The following SQOR variants were observed in gnomAD, a reference collection of about 807,000 sequenced individuals.
SQOR encodes the protein sulfide quinone oxidoreductase, also known as sulfide:quinone oxidoreductase, mitochondrial.
A neutral mutation model predicts 48.6 loss-of-function variants in SQOR; 39 were observed. The ratio of observed to expected loss-of-function variants is 0.80; its 90% CI spans 0.62 to 1.05. The LOEUF is 1.05. SQOR is among the 50% of genes least tolerant of loss of function. SQOR has a pLI of 0.00. For missense variants in SQOR, 561 were observed against 559.9 expected (o/e 1.00, Z -0.02); for synonymous variants, 220 against 206.2 (o/e 1.07, Z -0.57).
chr15:45,682,556 T>C lies in SQOR; in HGVS notation c.943T>C (p.Trp315Arg). 1.2e-6 allele frequency: 2 copies of C among 1,614,146 alleles called. No individual in the cohort carries two copies. The highest frequency in any genetic ancestry group is 2.2e-5 in the East Asian group (1 of 44,878). Residue 315 changes from tryptophan (W) to arginine (R), a missense_variant, in exon 7 of 10, where the codon TGG (tryptophan) becomes CGG (arginine). Physicochemically the swap from Trp to Arg is moderately radical, Grantham distance 101. Coordinates refer to ENST00000260324, the MANE Select transcript of SQOR (RefSeq NM_021199.4). ...KTSPVADAAG[W>R]VDVDKETLQH... ...CAGTCCTGTGGCTGATGCTGCTGGT[T>C]GGGTGGATGTGGATAAAGAAACTCT...
Position 45,669,925 on chromosome 15 carries a change from C to T in SQOR, c.406-3C>T, listed in dbSNP as rs1479706854. On this transcript the variant is annotated splice_region_variant and splice_polypyrimidine_tract_variant and intron_variant, in intron 3 of 9. Coordinates refer to ENST00000260324, the MANE Select transcript of SQOR (RefSeq NM_021199.4). The stretch of plus-strand genomic sequence containing the variant: ...TCTAAAATAATGTCTTTTTGTGTTG[C>T]AGATCTCCTACCGATATCTTATTAT... The T allele has an allele frequency of 1.9e-6, 3 of 1,613,628 alleles. No individual in the cohort carries two copies. The highest frequency in any genetic ancestry group is 2.2e-5 in the South Asian group (2 of 91,064).
intron 7 of SQOR, among the ~76,000 whole-genome samples, chr15:45,687,754 TGTC>T (rs1890248884): frequency 6.6e-6 from 1 of 152,246 alleles, no homozygotes; most frequent in Non-Finnish European, 1.5e-5. Flanking sequence ...TCTGTCTGTC[TGTC>T]TGTCTATCTA....
At chr15:45,646,051 A>G (rs1026053592) in intron 1 of SQOR, 1 of 152,126 alleles carries the variant, frequency 6.6e-6, no homozygotes, top group Non-Finnish European at 1.5e-5. Flanking sequence ...TACATATTGG[A>G]TATTGTATCT....
intron 7 of SQOR, among the ~76,000 whole-genome samples, chr15:45,683,026 C>CAAAAAAAAAAAAAAAAAAAAAAAAAAAA (rs34072446): frequency 2.6e-4 from 31 of 119,854 alleles, no homozygotes; most frequent in African/African-American, 1.0e-3. Context: ...GGCTTCATCT[C>CAAAAAAAAAAAAAAAAAAAAAAAAAAAA]AAAAAAAAAA....
chr15:45,637,085 G>A (rs1895019469), intron 1 of SQOR, among the ~76,000 whole-genome samples: 2 of 151,860 alleles, frequency 1.3e-5, no homozygotes, highest in Non-Finnish European at 2.9e-5. Context: ...AGGTTCGAGT[G>A]ATTCGCCTGC....
At position 45,648,473 on chromosome 15, in the gene SQOR, G is replaced by A. The variant is rs540954410; in HGVS notation, c.-17-10434G>A. Among the ~76,000 whole-genome samples the A allele has an allele frequency of 5.9e-5, 9 of 152,336 alleles. No individual in the cohort carries two copies. The South Asian group carries it at 1.7e-3, about 28-fold the overall frequency. ...TTACAGGCGTGAGCCACCACACCCAGCCAGAATAGATTATTTTCCTACCAA... is the reference window on the plus strand; with the variant it reads ...TTACAGGCGTGAGCCACCACACCCAACCAGAATAGATTATTTTCCTACCAA... On this transcript the variant is annotated intron_variant, in intron 1 of 9. Coordinates refer to ENST00000260324, the MANE Select transcript of SQOR (RefSeq NM_021199.4).
At chr15:45,645,487 T>A (rs926592551) in intron 1 of SQOR, among the ~76,000 whole-genome samples, 2 of 152,176 alleles carry the variant, frequency 1.3e-5, no homozygotes, top group African/African-American at 4.8e-5. Flanking sequence ...CAAAACAGAT[T>A]GTCTTCCCCA....
intron 1 of SQOR, among the ~76,000 whole-genome samples, chr15:45,639,280 A>T (rs1895065545): frequency 6.6e-6 from 1 of 152,254 alleles, no homozygotes; most frequent in Non-Finnish European, 1.5e-5. Flanking sequence ...AGGAAAAGAA[A>T]AACTTGGCCT....
In SQOR at chr15:45,674,449, A is replaced by C. The variant is rs183238123; in HGVS notation, c.654+648A>C. 2.0e-3 allele frequency among the ~76,000 whole-genome samples: 309 copies of C among 152,314 alleles called. 1 individual carries two copies. Among genetic ancestry groups the C allele is most frequent in the Admixed American group, 7.8e-3 (120 of 15,298 alleles). On this transcript the variant is annotated intron_variant, in intron 5 of 9. Coordinates refer to ENST00000260324, the MANE Select transcript of SQOR (RefSeq NM_021199.4). The stretch of plus-strand genomic sequence containing the variant: ...GAGCGAAGCTCCGTCTTAAAAAAAA[A>C]AAAAAAGTCTACTGGAGAGATATGT...
At chr15:45,650,378 G>A (rs1041335544) in intron 1 of SQOR, among the ~76,000 whole-genome samples, 7 of 152,220 alleles carry the variant, frequency 4.6e-5, no homozygotes, top group South Asian at 2.1e-4. Context: ...ACGTTCGAAT[G>A]TGTTTGGAGT....
intron 3 of SQOR, among the ~76,000 whole-genome samples, chr15:45,664,551 A>G (rs1889779171): frequency 6.6e-6 from 1 of 152,130 alleles, no homozygotes; most frequent in Non-Finnish European, 1.5e-5. Flanking sequence ...CCCATGAAAG[A>G]GGTGCCTGGA....
intron 3 of SQOR, among the ~76,000 whole-genome samples, chr15:45,666,884 C>G (rs1315219759): frequency 2.3e-5 from 1 of 44,244 alleles, no homozygotes; most frequent in Non-Finnish European, 4.5e-5. Context: ...CCCCTCCTTT[C>G]TCCTCCTCTC....
intron 1 of SQOR, among the ~76,000 whole-genome samples, chr15:45,641,631 A>T (rs1361979265): frequency 6.6e-6 from 1 of 152,200 alleles, no homozygotes; most frequent in Non-Finnish European, 1.5e-5. Flanking sequence ...CTGAACACAC[A>T]AGGCAAGAAT....
Position 45,643,518 on chromosome 15 carries a change from A to G in SQOR, c.-18+8410A>G, listed in dbSNP as rs74009660. The stretch of plus-strand genomic sequence containing the variant: ...CCTGGAAACATTCTTAAACAGCAGC[A>G]GAATTGTGACCATGCGAATTTCATG... On this transcript the variant is annotated intron_variant, in intron 1 of 9. Coordinates refer to ENST00000260324, the MANE Select transcript of SQOR (RefSeq NM_021199.4). Among the ~76,000 whole-genome samples, 806 of 152,332 alleles carry G rather than the reference A, an allele frequency of 5.3e-3. 13 individuals are homozygous for G. The highest frequency in any genetic ancestry group is 0.019 in the African/African-American group (769 of 41,564).
intron 8 of SQOR, 120 bp downstream of exon 8, chr15:45,688,524 T>C: frequency 1.3e-6 from 1 of 759,514 alleles, no homozygotes; most frequent in East Asian, 3.0e-5. Context: ...TCTTTTTTTT[T>C]TTTTTGAGAT....
intron 7 of SQOR, among the ~76,000 whole-genome samples, chr15:45,687,214 C>CCTCCCA (rs1890241059): frequency 6.6e-6 from 1 of 152,090 alleles, no homozygotes; most frequent in African/African-American, 2.4e-5. Flanking sequence ...GCAACCTCCG[C>CCTCCCA]GATTCTCCTG....
upstream of SQOR, chr15:45,632,114 C>T (rs1376557155): frequency 6.6e-6 from 1 of 152,142 alleles, no homozygotes; most frequent in Non-Finnish European, 1.5e-5. Flanking sequence ...AAGGAGGGCT[C>T]TTGAGTGAGA....
chr15:45,672,157 T>C (rs1467922654), intron 4 of SQOR, among the ~76,000 whole-genome samples: 2 of 152,066 alleles, frequency 1.3e-5, no homozygotes, highest in Non-Finnish European at 2.9e-5. Flanking sequence ...GATAGTGAGA[T>C]TTGCTTTGGG....
At chr15:45,632,951 A>AAT (rs547695832), upstream of SQOR, among the ~76,000 whole-genome samples, 245 of 151,748 alleles carry the variant, frequency 1.6e-3, no homozygotes, top group African/African-American at 5.5e-3. Context: ...CAAAAAAAAA[A>AAT]AATAAATAAA....
Sources: gnomAD v4.1 joint callset for allele counts (sites outside exome capture counted in the v4.1 genomes callset) on GRCh38, gnomAD v4.1.1 for gene constraint, MANE v1.5 for transcripts, NCBI Gene and HGNC (gene_info 2026-07-23, HGNC 2026-07-21) for gene names.